CCDC192: variants seen among roughly 807,000 people sequenced by gnomAD.
CCDC192 encodes the protein coiled-coil domain-containing protein 192.
At chr5:127,717,928 C>CAAAAAAAAAAAAAAAAAAAAAAAAAAAA in intron 2 of CCDC192, among the ~76,000 whole-genome samples, 8 of 98,052 alleles carry the variant, frequency 8.2e-5, no homozygotes, top group African/African-American at 1.2e-4. Flanking sequence ...TAAAGCTAGA[C>CAAAAAAAAAAAAAAAAAAAAAAAAAAAA]AAAAAAAAAA....
chr5:127,805,028 C>T (rs1394121459), intron 5 of CCDC192, among the ~76,000 whole-genome samples: 1 of 152,142 alleles, frequency 6.6e-6, no homozygotes, highest in Non-Finnish European at 1.5e-5. Flanking sequence ...TGCAGTAGCA[C>T]ACAACACATG....
At chr5:127,925,699 G>C (rs550558713) in intron 6 of CCDC192, among the ~76,000 whole-genome samples, 1 of 152,266 alleles carries the variant, frequency 6.6e-6, no homozygotes, top group South Asian at 2.1e-4. Flanking sequence ...AAGTGTGCAA[G>C]GGCCCTCCCA....
At chr5:127,883,473 G>T (rs1752433406) in intron 6 of CCDC192, among the ~76,000 whole-genome samples, 3 of 152,148 alleles carry the variant, frequency 2.0e-5, no homozygotes, top group Non-Finnish European at 4.4e-5. Flanking sequence ...TAACTAAAAA[G>T]TTAAATGTTA....
chr5:127,760,701 C>CAAAA (rs56177728), intron 3 of CCDC192, among the ~76,000 whole-genome samples: 5 of 54,904 alleles, frequency 9.1e-5, no homozygotes, highest in East Asian at 4.2e-4. Context: ...GATTCTGTCT[C>CAAAA]AAAAAAAAAA....
At chr5:127,910,790 A>G (rs945540147) in intron 6 of CCDC192, among the ~76,000 whole-genome samples, 1 of 152,202 alleles carries the variant, frequency 6.6e-6, no homozygotes. Context: ...GTGTCCTGCC[A>G]AAGTATAACC....
chr5:127,823,721 G>A (rs1315125310), intron 5 of CCDC192, among the ~76,000 whole-genome samples: 1 of 152,112 alleles, frequency 6.6e-6, no homozygotes, highest in Non-Finnish European at 1.5e-5. Flanking sequence ...GTCACCCTAG[G>A]GTCACCCTGA....
intron 6 of CCDC192, among the ~76,000 whole-genome samples, chr5:127,927,040 G>T (rs1223648630): frequency 6.6e-6 from 1 of 152,182 alleles, no homozygotes; most frequent in Non-Finnish European, 1.5e-5. Flanking sequence ...GGATTTGGTG[G>T]CATTGGTAAC....
At chr5:127,939,195 G>A (rs1754293648) in intron 6 of CCDC192, among the ~76,000 whole-genome samples, 1 of 125,674 alleles carries the variant, frequency 8.0e-6, no homozygotes, top group Admixed American at 1.0e-4. Flanking sequence ...TCAGCTCAAT[G>A]CAACCTGCAA....
chr5:127,773,728 G>A (rs1456564666), intron 3 of CCDC192, among the ~76,000 whole-genome samples: 1 of 152,046 alleles, frequency 6.6e-6, no homozygotes. Flanking sequence ...ATAAATATTT[G>A]TATGCCATAT....
intron 2 of CCDC192, among the ~76,000 whole-genome samples, chr5:127,742,885 G>A (rs1753503469): frequency 6.6e-6 from 1 of 152,156 alleles, no homozygotes; most frequent in South Asian, 2.1e-4. Context: ...TGGCACAAAT[G>A]TTATCACAAA....
At chr5:127,861,180 G>A (rs1397813706) in intron 5 of CCDC192, among the ~76,000 whole-genome samples, 2 of 151,644 alleles carry the variant, frequency 1.3e-5, no homozygotes, top group African/African-American at 4.8e-5. Context: ...AGCTAATTTT[G>A]TATTTTTAGT....
chr5:127,760,834 T>A (rs1184524533), intron 3 of CCDC192, among the ~76,000 whole-genome samples: 1 of 151,498 alleles, frequency 6.6e-6, no homozygotes, highest in Non-Finnish European at 1.5e-5. Context: ...TAGCAGAAGA[T>A]GGCAAGAGCT....
chr5:127,853,660 C>A (rs540480513), intron 5 of CCDC192, among the ~76,000 whole-genome samples: 17 of 152,266 alleles, frequency 1.1e-4, no homozygotes, highest in Non-Finnish European at 2.1e-4. Context: ...GTAATCCCAG[C>A]TACTCTGGAG....
intron 2 of CCDC192, among the ~76,000 whole-genome samples, chr5:127,734,701 G>T (rs1752865515): frequency 6.8e-6 from 1 of 146,830 alleles, no homozygotes; most frequent in Non-Finnish European, 1.5e-5. Context: ...TTTTTCATGT[G>T]TTTTTTGGCT....
chr5:127,799,847 AT>A (rs1561495318), intron 5 of CCDC192, among the ~76,000 whole-genome samples: 1 of 152,206 alleles, frequency 6.6e-6, no homozygotes, highest in Non-Finnish European at 1.5e-5. Context: ...TCAGGTTTCA[AT>A]ACAACAGTGT....
chr5:127,772,064 A>AC (rs1231615728), intron 3 of CCDC192, among the ~76,000 whole-genome samples: 2 of 152,128 alleles, frequency 1.3e-5, no homozygotes, highest in East Asian at 3.9e-4. Context: ...TTTGCCAGGC[A>AC]CCCCTTCCTA....
rs184360516 is a variant in CCDC192, at chr5:127,747,256, C to A, written c.115-7012C>A. On this transcript the variant is annotated intron_variant, in intron 2 of 6. Coordinates refer to ENST00000514853, the MANE Select transcript of CCDC192 (RefSeq NM_001317938.2). ...TATCTCCCAATGCTATCCCTCCCCCCTCTCCCCACCCCGCAACAGTCCCCA... is the reference window on the plus strand; with the variant it reads ...TATCTCCCAATGCTATCCCTCCCCCATCTCCCCACCCCGCAACAGTCCCCA... 2.7e-3 allele frequency among the ~76,000 whole-genome samples: 406 copies of A among 152,112 alleles called. 10 individuals are homozygous for A. The East Asian group carries it at 0.052, about 19-fold the overall frequency.
chr5:127,782,997 G>GTTT (rs576250474), intron 3 of CCDC192, among the ~76,000 whole-genome samples: 3 of 138,790 alleles, frequency 2.2e-5, no homozygotes, highest in Non-Finnish European at 3.1e-5. Flanking sequence ...TAGAGGTGGG[G>GTTT]TTTTTTTTTT....
At chr5:127,842,101 AG>A (rs763464066) in intron 5 of CCDC192, among the ~76,000 whole-genome samples, 33 of 152,248 alleles carry the variant, frequency 2.2e-4, no homozygotes, top group Non-Finnish European at 4.1e-4. Context: ...ATTTTCTAGC[AG>A]GGCTGGCTTC....
Sources: gnomAD v4.1 joint callset for allele counts (sites outside exome capture counted in the v4.1 genomes callset) on GRCh38, gnomAD v4.1.1 for gene constraint, MANE v1.5 for transcripts, NCBI Gene and HGNC (gene_info 2026-07-23, HGNC 2026-07-21) for gene names.